The following LRRC1 variants were observed in gnomAD, a reference collection of about 807,000 sequenced individuals.
LRRC1 encodes leucine-rich repeat-containing protein 1.
LRRC1 carries 28 observed loss-of-function variants against 69.9 expected under a neutral mutation model. The ratio of observed to expected loss-of-function variants is 0.40; its 90% CI spans 0.30 to 0.55. The LOEUF (loss-of-function observed/expected upper bound fraction) is 0.55. Among genes scored for constraint, LRRC1 ranks in the 20% least tolerant of loss-of-function variants. The pLI is 0.47. For missense variants in LRRC1, 498 were observed against 609.0 expected (o/e 0.82, Z 1.92); for synonymous variants, 236 against 240.2 (o/e 0.98, Z 0.16).
At position 53,824,743 on chromosome 6, in the gene LRRC1, A is replaced by G. The variant is rs190940377; in HGVS notation, c.160-17367A>G. ...GGTGCTGTTATCTAAGAACCTTGGTAAATTTTGAGTAGGAAGAGGGGAATG... is the reference window on the plus strand; with the variant it reads ...GGTGCTGTTATCTAAGAACCTTGGTGAATTTTGAGTAGGAAGAGGGGAATG... On this transcript the variant is annotated intron_variant, in intron 1 of 13. Coordinates refer to ENST00000370888, the MANE Select transcript of LRRC1 (RefSeq NM_018214.5). Among the ~76,000 whole-genome samples, 3 of 152,316 alleles carry G rather than the reference A, an allele frequency of 2.0e-5. No homozygotes were observed. In the East Asian group the frequency reaches 5.8e-4, roughly 29 times the overall value.
At chr6:53,797,752 C>G (rs78079048) in intron 1 of LRRC1, among the ~76,000 whole-genome samples, 2 of 152,224 alleles carry the variant, frequency 1.3e-5, no homozygotes, top group Non-Finnish European at 2.9e-5. Context: ...CTTCTTTCCA[C>G]TGAAAGGCCT....
chr6:53,870,118 A>T (rs934282432), intron 2 of LRRC1, among the ~76,000 whole-genome samples: 2 of 152,094 alleles, frequency 1.3e-5, no homozygotes, highest in South Asian at 4.1e-4. Flanking sequence ...TGTAAACCGG[A>T]CCTCTAGGTC....
rs542947111 is a variant in LRRC1 at position 53,904,273 on chromosome 6, G to C, written c.907-106G>C. Reference sequence around the variant, plus strand: ...ATATTCAGCAAGAACTATTGCTTCTGTTGCTGGATGAGATTATATTCTTTA... The same window carrying C: ...ATATTCAGCAAGAACTATTGCTTCTCTTGCTGGATGAGATTATATTCTTTA... On this transcript the variant is annotated intron_variant, in intron 9 of 13. Transcript: ENST00000370888. 14 of 647,270 alleles carry C rather than the reference G, an allele frequency of 2.2e-5. No homozygotes were observed. The Admixed American group carries it at 3.9e-4, about 18-fold the overall frequency. The allele number at this position is 647,270 out of a possible 1,614,324, so 40.1% of individuals were successfully genotyped here. A position where few individuals can be genotyped will look rare whatever the true frequency, so the allele number is the denominator to read the frequency against.
intron 1 of LRRC1, among the ~76,000 whole-genome samples, chr6:53,835,977 T>C (rs1765602314): frequency 6.6e-6 from 1 of 152,196 alleles, no homozygotes; most frequent in Admixed American, 6.5e-5. Flanking sequence ...CCAATTTCCA[T>C]TGGCAGAAAG....
chr6:53,849,310 C>T (rs1046445626), intron 2 of LRRC1, among the ~76,000 whole-genome samples: 4 of 152,114 alleles, frequency 2.6e-5, no homozygotes, highest in African/African-American at 9.7e-5. Context: ...TGGATTTAAC[C>T]GAACAGGCTA....
At chr6:53,835,989 A>G (rs552113527) in intron 1 of LRRC1, among the ~76,000 whole-genome samples, 9 of 152,304 alleles carry the variant, frequency 5.9e-5, no homozygotes, top group South Asian at 2.1e-4. Context: ...GGCAGAAAGG[A>G]CAACATCAGG....
At chr6:53,857,965 C>T (rs763995980) in intron 2 of LRRC1, among the ~76,000 whole-genome samples, 4 of 152,232 alleles carry the variant, frequency 2.6e-5, no homozygotes, top group Non-Finnish European at 5.9e-5. Flanking sequence ...TTTCATAACA[C>T]TCTGCTCATA....
At chr6:53,810,606 C>T (rs1384004485) in intron 1 of LRRC1, among the ~76,000 whole-genome samples, 2 of 150,988 alleles carry the variant, frequency 1.3e-5, no homozygotes, top group East Asian at 1.9e-4. Context: ...GGCGACAGAG[C>T]GAGACTCCGT....
chr6:53,877,279 GACCGGGCCCA>G (rs1418782876), intron 2 of LRRC1, among the ~76,000 whole-genome samples: 10 of 152,140 alleles, frequency 6.6e-5, no homozygotes, highest in Non-Finnish European at 1.5e-4. Context: ...GGGGACCCTG[GACCGGGCCCA>G]GGAAACAATT....
intron 2 of LRRC1, among the ~76,000 whole-genome samples, chr6:53,845,468 G>GT (rs1342940490): frequency 6.6e-6 from 1 of 152,188 alleles, no homozygotes; most frequent in East Asian, 1.9e-4. Context: ...CATTTGTGAG[G>GT]TTTGCGGCTG....
At chr6:53,839,579 T>C (rs1215699481) in intron 1 of LRRC1, among the ~76,000 whole-genome samples, 1 of 152,210 alleles carries the variant, frequency 6.6e-6, no homozygotes, top group Non-Finnish European at 1.5e-5. Context: ...TCCATATTGC[T>C]AAATGACTTT....
chr6:53,848,523 C>T (rs965621383), intron 2 of LRRC1, among the ~76,000 whole-genome samples: 2 of 152,138 alleles, frequency 1.3e-5, no homozygotes, highest in African/African-American at 4.8e-5. Flanking sequence ...GTATATTTTA[C>T]ACTTTTTACC....
chr6:53,918,374 G>T (rs769837467), intron 11 of LRRC1, among the ~76,000 whole-genome samples: 24 of 152,264 alleles, frequency 1.6e-4, no homozygotes, highest in Non-Finnish European at 3.2e-4. Flanking sequence ...AACTAACACA[G>T]AAATCTTTTG....
At chr6:53,872,852 GT>G (rs2127427714) in intron 2 of LRRC1, among the ~76,000 whole-genome samples, 1 of 144,906 alleles carries the variant, frequency 6.9e-6, no homozygotes, top group South Asian at 2.2e-4. Context: ...GGCCTCCCAC[GT>G]TCAAGCAATT....
intron 1 of LRRC1, among the ~76,000 whole-genome samples, chr6:53,815,616 A>T (rs1027876739): frequency 3.9e-5 from 6 of 152,200 alleles, no homozygotes; most frequent in African/African-American, 1.4e-4. Flanking sequence ...TTGTCCTGCC[A>T]AGGCCCAGAG....
chr6:53,904,494 A>G, intron 10 of LRRC1, 32 bp downstream of exon 10: 1 of 1,320,920 alleles, frequency 7.6e-7, no homozygotes, highest in Non-Finnish European at 1.1e-6. Context: ...ACATGATAAT[A>G]ATTATGAAGA....
intron 1 of LRRC1, among the ~76,000 whole-genome samples, chr6:53,811,978 C>T (rs191728790): frequency 2.0e-5 from 3 of 152,308 alleles, no homozygotes; most frequent in Admixed American, 1.3e-4. Context: ...CAGATCAGGT[C>T]GTGGTGAGCC....
intron 3 of LRRC1, among the ~76,000 whole-genome samples, chr6:53,879,935 A>G (rs950558421): frequency 2.6e-5 from 4 of 152,202 alleles, no homozygotes; most frequent in African/African-American, 9.6e-5. Context: ...GCCCTTGGGC[A>G]TCTGTTTTAG....
intron 1 of LRRC1, among the ~76,000 whole-genome samples, chr6:53,802,119 G>C (rs959823012): frequency 6.6e-6 from 1 of 152,232 alleles, no homozygotes; most frequent in African/African-American, 2.4e-5. Flanking sequence ...GATGTGAAGA[G>C]CCTCTGCAGA....
Sources: allele counts gnomAD v4.1 joint callset (sites outside exome capture counted in the v4.1 genomes callset), GRCh38; gene constraint gnomAD v4.1.1; transcripts MANE v1.5; gene names NCBI Gene and HGNC (gene_info 2026-07-23, HGNC 2026-07-21).